BABAM2: variants seen among roughly 807,000 people sequenced by gnomAD.
BABAM2 encodes BRISC and BRCA1 A complex member 2, also known as BRISC and BRCA1-A complex member 2.
A neutral mutation model predicts 54.7 loss-of-function variants in BABAM2; 31 were observed. The ratio of observed to expected loss-of-function variants is 0.57; its 90% CI spans 0.43 to 0.77. The LOEUF (loss-of-function observed/expected upper bound fraction) is 0.77, where lower values mean the gene tolerates loss of function less well. Among genes scored for constraint, BABAM2 ranks in the 30% least tolerant of loss-of-function variants. BABAM2 has a pLI of 0.00. For synonymous variants in BABAM2, 167 were observed against 162.9 expected (o/e 1.03, Z -0.19); for missense variants, 364 against 455.8 (o/e 0.80, Z 1.83).
intron 10 of BABAM2, among the ~76,000 whole-genome samples, chr2:28,273,375 AT>A (rs1685598270): frequency 6.6e-6 from 1 of 152,128 alleles, no homozygotes; most frequent in East Asian, 1.9e-4. Context: ...CCACTGTTCA[AT>A]CTGAAAGGGG....
chr2:27,985,573 T>A (rs1672340686), intron 3 of BABAM2, among the ~76,000 whole-genome samples: 1 of 152,168 alleles, frequency 6.6e-6, no homozygotes. Flanking sequence ...GAATAGAATT[T>A]CTTTAATTTA....
At chr2:28,001,319 T>C (rs1291356935) in intron 4 of BABAM2, among the ~76,000 whole-genome samples, 2 of 152,234 alleles carry the variant, frequency 1.3e-5, no homozygotes, top group South Asian at 2.1e-4. Context: ...TAATTCCTAC[T>C]ACAAACATGT....
At chr2:28,075,909 A>G (rs1415414508) in intron 6 of BABAM2, among the ~76,000 whole-genome samples, 1 of 152,032 alleles carries the variant, frequency 6.6e-6, no homozygotes, top group Admixed American at 6.6e-5. Context: ...GTTATATACA[A>G]TATACTAAAT....
intron 5 of BABAM2, among the ~76,000 whole-genome samples, chr2:28,040,493 G>A (rs1677010951): frequency 6.6e-6 from 1 of 151,062 alleles, no homozygotes; most frequent in Non-Finnish European, 1.5e-5. Flanking sequence ...GTAGAGACGG[G>A]GTTTCACCGT....
At chr2:28,269,438 C>T (rs536456723) in intron 10 of BABAM2, among the ~76,000 whole-genome samples, 14 of 152,314 alleles carry the variant, frequency 9.2e-5, no homozygotes, top group African/African-American at 3.4e-4. Context: ...TCTGTCCAAC[C>T]ATGGATAAAA....
At chr2:28,300,243 A>G (rs1313732587) in intron 11 of BABAM2, among the ~76,000 whole-genome samples, 1 of 152,156 alleles carries the variant, frequency 6.6e-6, no homozygotes, top group Non-Finnish European at 1.5e-5. Context: ...CCAGCCTGAG[A>G]TTCTTAAATA....
chr2:27,966,173 C>T (rs1194248782), intron 3 of BABAM2, among the ~76,000 whole-genome samples: 3 of 151,936 alleles, frequency 2.0e-5, no homozygotes, highest in East Asian at 1.9e-4. Context: ...TGCTTAGATC[C>T]GTTAATTTGT....
At chr2:27,925,941 C>A (rs1667671177) in intron 2 of BABAM2, among the ~76,000 whole-genome samples, 1 of 152,144 alleles carries the variant, frequency 6.6e-6, no homozygotes, top group South Asian at 2.1e-4. Flanking sequence ...ATTACTGCAC[C>A]AGAGCTAGAA....
At chr2:27,960,373 C>G (rs1458661142) in intron 3 of BABAM2, among the ~76,000 whole-genome samples, 2 of 152,056 alleles carry the variant, frequency 1.3e-5, no homozygotes, top group Non-Finnish European at 2.9e-5. Context: ...TGCTAGTGCT[C>G]TGGTTTGTGC....
chr2:28,104,371 G>A (rs1667326477), intron 6 of BABAM2, among the ~76,000 whole-genome samples: 1 of 152,166 alleles, frequency 6.6e-6, no homozygotes, highest in Non-Finnish European at 1.5e-5. Context: ...ATCAAAAAGT[G>A]GGCGAAGGAT....
chr2:28,115,324 G>A lies in BABAM2; in HGVS notation c.571-13947G>A, dbSNP rs528048865. On this transcript the variant is annotated intron_variant, in intron 6 of 11. Coordinates refer to ENST00000379624, the MANE Select transcript of BABAM2 (RefSeq NM_199191.3). The stretch of plus-strand genomic sequence containing the variant: ...GCTGGTAGGATAAAGGAAGTCTCAT[G>A]AGAGGATATGACTTCTAAATTGAAC... 3.3e-5 allele frequency among the ~76,000 whole-genome samples: 5 copies of A among 152,198 alleles called. No homozygotes were observed. In the East Asian group the frequency reaches 9.7e-4, roughly 29 times the overall value.
At chr2:28,111,677 G>A (rs899950129) in intron 6 of BABAM2, among the ~76,000 whole-genome samples, 2 of 151,800 alleles carry the variant, frequency 1.3e-5, no homozygotes, top group African/African-American at 4.8e-5. Flanking sequence ...TTTCATCTTT[G>A]GACCCGTTTT....
At chr2:27,944,142 C>T (rs1157496886) in intron 3 of BABAM2, among the ~76,000 whole-genome samples, 1 of 151,970 alleles carries the variant, frequency 6.6e-6, no homozygotes. Context: ...TATGGTTAGG[C>T]TTATTTACAT....
chr2:28,250,592 TTTG>T (rs1683371552), intron 10 of BABAM2, among the ~76,000 whole-genome samples: 1 of 148,830 alleles, frequency 6.7e-6, no homozygotes, highest in Non-Finnish European at 1.5e-5. Flanking sequence ...TTCTTTTTTT[TTTG>T]TTTGTTTGTT....
chr2:27,897,984 T>C (rs1381427876), intron 2 of BABAM2, among the ~76,000 whole-genome samples: 1 of 152,228 alleles, frequency 6.6e-6, no homozygotes, highest in African/African-American at 2.4e-5. Context: ...TGCTCATTTC[T>C]TCTCAGTTTG....
intron 10 of BABAM2, among the ~76,000 whole-genome samples, chr2:28,265,941 GTTTC>G: frequency 6.6e-6 from 1 of 151,378 alleles, no homozygotes; most frequent in East Asian, 1.9e-4. Flanking sequence ...GCCTTTCAGA[GTTTC>G]TTTATGTAAA....
At chr2:28,017,611 A>G (rs112611233) in intron 4 of BABAM2, among the ~76,000 whole-genome samples, 79 of 152,362 alleles carry the variant, frequency 5.2e-4, no homozygotes, top group African/African-American at 1.4e-3. Flanking sequence ...ATCAATTACC[A>G]TAGTGAATTT....
At chr2:28,154,439 GTAAGGTGGTTGC>G (rs893503193) in intron 7 of BABAM2, among the ~76,000 whole-genome samples, 54 of 152,316 alleles carry the variant, frequency 3.5e-4, no homozygotes, top group African/African-American at 1.3e-3. Context: ...AGTGGTGGTG[GTAAGGTGGTTGC>G]TATTTTGGCA....
In BABAM2 at chr2:27,929,928, T is replaced by A; in HGVS notation, c.205+20T>A. 6.3e-7 allele frequency: 1 copy of A among 1,595,302 alleles called. No homozygotes were observed. The highest frequency in any genetic ancestry group is 8.6e-7 in the Non-Finnish European group (1 of 1,163,636). On this transcript the variant is annotated intron_variant, in intron 3 of 11. Coordinates refer to ENST00000379624, the MANE Select transcript of BABAM2 (RefSeq NM_199191.3). ...TAAAGTGTAAGTAAATGATGACTAT[T>A]TTACTCAAAATGTAGGTTACAGTGT...
Sources: gnomAD v4.1 joint callset for allele counts (sites outside exome capture counted in the v4.1 genomes callset) on GRCh38, gnomAD v4.1.1 for gene constraint, MANE v1.5 for transcripts, NCBI Gene and HGNC (gene_info 2026-07-23, HGNC 2026-07-21) for gene names.